Variants in DNAH9 observed in about 807,000 individuals in gnomAD.
The protein encoded by DNAH9 is dynein axonemal heavy chain 9.
In DNAH9, 345 loss-of-function variants were observed where a neutral mutation model predicts 471.6. The observed-to-expected ratio is 0.73, with a 90% CI of 0.67 to 0.80. The LOEUF is 0.80. Among genes scored for constraint, DNAH9 ranks in the 30% least tolerant of loss-of-function variants. The pLI, the probability that DNAH9 is intolerant of heterozygous loss-of-function variation, is 0.00. For synonymous variants in DNAH9, 2,093 were observed against 2,123.6 expected (o/e 0.99, Z 0.40); for missense variants, 5,407 against 5,609.2 (o/e 0.96, Z 1.15).
chr17:11,961,178 G>A (rs1976132262), intron 67 of DNAH9, among the ~76,000 whole-genome samples: 1 of 151,764 alleles, frequency 6.6e-6, no homozygotes, highest in South Asian at 2.1e-4. Flanking sequence ...AGCCGGGTGT[G>A]GTGGCAGGTG....
intron 30 of DNAH9, among the ~76,000 whole-genome samples, chr17:11,743,084 G>C (rs1056386257): frequency 2.6e-5 from 4 of 151,950 alleles, no homozygotes; most frequent in African/African-American, 9.7e-5. Flanking sequence ...CAGCTCCCCC[G>C]AGTGTTTAAA....
intron 59 of DNAH9, among the ~76,000 whole-genome samples, chr17:11,899,183 T>TGAA (rs1973321041): frequency 6.6e-6 from 1 of 151,038 alleles, no homozygotes; most frequent in South Asian, 2.1e-4. Context: ...CATGATTTTT[T>TGAA]AAAAAAAAAA....
rs1236272253 is a variant in DNAH9 at position 11,784,463 on chromosome 17, T to C, written c.7985T>C (p.Ile2662Thr). ...IDLALAFHQKIATTFLPTGIK... is the reference protein window; with the variant it reads ...IDLALAFHQKTATTFLPTGIK... ...CTGGCCCTCGCCTTCCACCAGAAAA[T>C]TGCTACCACCTTCCTACCCACAGGA... Residue 2662 changes from isoleucine (I) to threonine (T), a missense_variant, in exon 41 of 69, where the codon ATT (isoleucine) becomes ACT (threonine). Around this residue, in one of 3 missense-constraint regions of DNAH9, gnomAD observed 4,636 missense variants for 4,900.3 expected, o/e 0.95. Transcript: ENST00000262442. The C allele has an allele frequency of 5.0e-6, 8 of 1,613,974 alleles. No homozygotes were observed. The highest frequency in any genetic ancestry group is 2.2e-5 in the East Asian group (1 of 44,868).
At chr17:11,613,214 C>T (rs115153600) in intron 4 of DNAH9, among the ~76,000 whole-genome samples, 151 of 152,234 alleles carry the variant, frequency 9.9e-4, no homozygotes, top group African/African-American at 3.2e-3. Flanking sequence ...TCTGTGTTCC[C>T]GAGGAATCAG....
chr17:11,830,682 C>G (rs180899197), intron 48 of DNAH9, among the ~76,000 whole-genome samples: 80 of 152,206 alleles, frequency 5.3e-4, no homozygotes, highest in Admixed American at 7.9e-4. Flanking sequence ...TTGATGGCAA[C>G]CAATGAAAAT....
At chr17:11,636,391 G>A (rs1054858472) in intron 8 of DNAH9, among the ~76,000 whole-genome samples, 2 of 152,140 alleles carry the variant, frequency 1.3e-5, no homozygotes, top group African/African-American at 4.8e-5. Context: ...AGATTCTTAT[G>A]CCAAGTAGAG....
chr17:11,665,306 C>T (rs2073848069), intron 15 of DNAH9, among the ~76,000 whole-genome samples: 1 of 152,188 alleles, frequency 6.6e-6, no homozygotes, highest in Non-Finnish European at 1.5e-5. Flanking sequence ...AGGCAGAAGG[C>T]TTCATCCAAG....
intron 10 of DNAH9, among the ~76,000 whole-genome samples, chr17:11,640,607 G>A (rs1414664071): frequency 6.6e-6 from 1 of 152,224 alleles, no homozygotes; most frequent in Non-Finnish European, 1.5e-5. Flanking sequence ...GTAACTGGCT[G>A]ACTCATTTTG....
At chr17:11,599,699 T>C (rs1215773458) in intron 1 of DNAH9, among the ~76,000 whole-genome samples, 1 of 152,066 alleles carries the variant, frequency 6.6e-6, no homozygotes, top group Non-Finnish European at 1.5e-5. Context: ...CTTAGACCTT[T>C]CTGGAATGGG....
chr17:11,647,136 T>G lies in DNAH9; in HGVS notation c.2035T>G (p.Ser679Ala), dbSNP rs1318021239. 6.2e-7 allele frequency: 1 copy of G among 1,613,952 alleles called. No individual in the cohort carries two copies. The highest frequency in any genetic ancestry group is 1.3e-5 in the African/African-American group (1 of 75,028). ...ATCAGAGAAGTCACAGTACAATCTTTCCCAACCACTTCTAAAACGTGACCC... is the reference window on the plus strand; with the variant it reads ...ATCAGAGAAGTCACAGTACAATCTTGCCCAACCACTTCTAAAACGTGACCC... ...TVSEKSQYNL[S>A]QPLLKRDPET... The change falls in exon 12 of 69, where the codon TCC (serine) becomes GCC (alanine). Residue 679 changes from serine (S) to alanine (A), a missense_variant. Physicochemically the swap from Ser to Ala is moderately conservative, Grantham distance 99. Transcript: ENST00000262442.
At chr17:11,848,723 A>G (rs1168246337) in intron 49 of DNAH9, among the ~76,000 whole-genome samples, 2 of 152,180 alleles carry the variant, frequency 1.3e-5, no homozygotes, top group Non-Finnish European at 2.9e-5. Flanking sequence ...TGTGAGGTAA[A>G]TTCTGGGAAA....
At chr17:11,674,095 A>G (rs1160485972) in intron 17 of DNAH9, among the ~76,000 whole-genome samples, 3 of 152,184 alleles carry the variant, frequency 2.0e-5, no homozygotes, top group East Asian at 1.9e-4. Context: ...ATGTACCACA[A>G]TGTATCTGTC....
chr17:11,920,801 A>G (rs1974114562), intron 61 of DNAH9, among the ~76,000 whole-genome samples: 1 of 152,106 alleles, frequency 6.6e-6, no homozygotes, highest in Non-Finnish European at 1.5e-5. Context: ...CAGAGAACTT[A>G]AAAGTTAGTA....
At chr17:11,730,906 ATGGTGGTAATGATGATGG>A (rs1567756169) in intron 28 of DNAH9, among the ~76,000 whole-genome samples, 2 of 150,386 alleles carry the variant, frequency 1.3e-5, no homozygotes, top group Non-Finnish European at 3.0e-5. Flanking sequence ...GATAATGGTG[ATGGTGGTAATGATGATGG>A]TGGTGGTGGT....
chr17:11,962,101 A>G lies in DNAH9; in HGVS notation c.13078A>G (p.Met4360Val), dbSNP rs201553604. Residue 4360 changes from methionine (M) to valine (V), a missense_variant, in exon 68 of 69, where the codon ATG becomes GTG. Around this residue, in one of 3 missense-constraint regions of DNAH9, gnomAD observed 4,636 missense variants for 4,900.3 expected, o/e 0.95. Coordinates refer to ENST00000262442, the MANE Select transcript of DNAH9 (RefSeq NM_001372.4). This position sits in a 1 kb window ranked among gnomAD's most constrained non-coding sequence, Gnocchi z 4.1. Reference protein sequence around the residue: ...FNPQSFLTAIMQSTARKNEWP... With the variant: ...FNPQSFLTAIVQSTARKNEWP... ...CCCCCAGTCGTTCCTGACTGCCATC[A>G]TGCAGTCCACGGCTCGCAAGAATGA... 1.4e-5 allele frequency: 22 copies of G among 1,614,006 alleles called. No individual in the cohort carries two copies. Among genetic ancestry groups the G allele is most frequent in the East Asian group, 6.7e-5 (3 of 44,868 alleles).
chr17:11,836,503 T>C (rs1970854928), intron 49 of DNAH9, among the ~76,000 whole-genome samples: 1 of 152,206 alleles, frequency 6.6e-6, no homozygotes, highest in African/African-American at 2.4e-5. Context: ...GAATTTGTTA[T>C]ATCATTGGGT....
At chr17:11,667,783 C>A (rs895040724) in intron 15 of DNAH9, among the ~76,000 whole-genome samples, 6 of 152,214 alleles carry the variant, frequency 3.9e-5, no homozygotes, top group African/African-American at 9.6e-5. Context: ...GGATCACCTG[C>A]AGTCTCAAGA....
intron 14 of DNAH9, among the ~76,000 whole-genome samples, chr17:11,662,745 CG>C (rs2073792281): frequency 8.4e-6 from 1 of 119,682 alleles, no homozygotes; most frequent in Non-Finnish European, 1.7e-5. Flanking sequence ...TGTTGAGGCT[CG>C]CTTTTTTTTT....
chr17:11,642,596 A>C (rs1449444900), intron 10 of DNAH9, among the ~76,000 whole-genome samples: 1 of 152,220 alleles, frequency 6.6e-6, no homozygotes, highest in African/African-American at 2.4e-5. Context: ...TTGATTGGTT[A>C]TTGAAAATGT....
Sources: allele counts gnomAD v4.1 joint callset (sites outside exome capture counted in the v4.1 genomes callset), GRCh38; gene constraint gnomAD v4.1.1; regional missense constraint gnomAD v4.1.1; non-coding constraint Gnocchi (gnomAD v3.1); transcripts MANE v1.5; gene names NCBI Gene and HGNC (gene_info 2026-07-23, HGNC 2026-07-21).